Variants in RYR2 observed in about 807,000 individuals in gnomAD.
RYR2 encodes ryanodine receptor 2.
RYR2 carries 227 observed loss-of-function variants against 601.1 expected under a neutral mutation model. The ratio of observed to expected loss-of-function variants is 0.38; its 90% CI spans 0.34 to 0.42. The LOEUF (loss-of-function observed/expected upper bound fraction) is 0.42. RYR2 is among the 10% of genes least tolerant of loss of function. The probability of loss-of-function intolerance (pLI) is 1.00; values close to 1 mark genes in which losing one functional copy is unlikely to be tolerated. For missense variants in RYR2, 4,646 were observed against 6,156.5 expected (o/e 0.75, Z 8.21); for synonymous variants, 2,223 against 2,175.1 (o/e 1.02, Z -0.61).
intron 12 of RYR2, among the ~76,000 whole-genome samples, chr1:237,436,802 C>T (rs959126414): frequency 2.5e-4 from 37 of 150,042 alleles, no homozygotes; most frequent in African/African-American, 9.1e-4. Context: ...TCCTCTGAAC[C>T]GCATGCTCTG....
rs752233112 is a variant in RYR2, at chr1:237,469,163, T to C, written c.1684T>C (p.Leu562=). The C allele has an allele frequency of 6.2e-7, 1 of 1,610,224 alleles. No homozygotes were observed. Among genetic ancestry groups the C allele is most frequent in the South Asian group, 1.1e-5 (1 of 90,496 alleles). ...CTCCCTCGACTGGTTGATCAGCAGA[T>C]TGGAAAGACTGGAAGCTTCTTCAGG... ...SGSLDWLISR[L]ERLEASSGIL... Residue 562 remains leucine (L), a synonymous_variant, in exon 17 of 105, where the codon TTG becomes CTG. Coordinates refer to ENST00000366574, the MANE Select transcript of RYR2 (RefSeq NM_001035.3).
At chr1:237,435,373 A>G (rs1707239749) in intron 12 of RYR2, among the ~76,000 whole-genome samples, 1 of 152,224 alleles carries the variant, frequency 6.6e-6, no homozygotes, top group Non-Finnish European at 1.5e-5. Context: ...ACATAGTAAG[A>G]CTAAAACCCT....
intron 35 of RYR2, among the ~76,000 whole-genome samples, chr1:237,607,702 C>G (rs1215480493): frequency 2.6e-5 from 4 of 152,154 alleles, no homozygotes; most frequent in Admixed American, 6.5e-5. Context: ...TTTGACCATG[C>G]TAATCAAAAA....
At chr1:237,480,173 C>T (rs1416727896) in intron 17 of RYR2, among the ~76,000 whole-genome samples, 1 of 151,986 alleles carries the variant, frequency 6.6e-6, no homozygotes, top group Non-Finnish European at 1.5e-5. Flanking sequence ...AATCCCAGCA[C>T]TTTGGGAGGC....
chr1:237,523,684 C>T (rs1385727660), intron 24 of RYR2, among the ~76,000 whole-genome samples: 1 of 151,742 alleles, frequency 6.6e-6, no homozygotes, highest in Non-Finnish European at 1.5e-5. Flanking sequence ...TTGCCGTGAG[C>T]CGAGATTATG....
rs191601679 is a variant in RYR2, at chr1:237,256,195, G to A, written c.49-14302G>A. ...GATTTTATAAGGGGAAACCCATGTC[G>A]CTTGTCTCACATTTTCTCTTGCCTG... On this transcript the variant is annotated intron_variant, in intron 1 of 104. Transcript: ENST00000366574. Among the ~76,000 whole-genome samples, 12 of 152,174 alleles carry A rather than the reference G, an allele frequency of 7.9e-5. No individual in the cohort carries two copies. The South Asian group carries it at 8.3e-4, about 11-fold the overall frequency.
At chr1:237,644,243 T>G (rs1200456598) in intron 48 of RYR2, among the ~76,000 whole-genome samples, 2 of 151,770 alleles carry the variant, frequency 1.3e-5, no homozygotes, top group South Asian at 4.2e-4. Context: ...TGGTTTTTTG[T>G]TTTTTTTGAG....
Position 237,370,712 on chromosome 1 carries a change from G to A in RYR2, c.384+1104G>A, listed in dbSNP as rs189931683. Reference sequence around the variant, plus strand: ...GTCTGGTTCTGTTGCCCAGGCTGGAGTGCAGTGGCGCGATCTCGGCTCACT... The same window carrying A: ...GTCTGGTTCTGTTGCCCAGGCTGGAATGCAGTGGCGCGATCTCGGCTCACT... On this transcript the variant is annotated intron_variant, in intron 6 of 104. Transcript: ENST00000366574. Among the ~76,000 whole-genome samples the A allele has an allele frequency of 2.7e-3, 408 of 149,552 alleles. 2 individuals carry two copies. Among genetic ancestry groups the A allele is most frequent in the African/African-American group, 9.7e-3 (391 of 40,518 alleles).
chr1:237,827,922 AT>A (rs1663335481), intron 101 of RYR2, among the ~76,000 whole-genome samples: 1 of 135,328 alleles, frequency 7.4e-6, no homozygotes, highest in Admixed American at 7.6e-5. Flanking sequence ...GGGTGACAGA[AT>A]GAGACTCCGT....
rs1683637882 is a variant in RYR2 at position 237,220,071 on chromosome 1, G to T, written c.49-50426G>T. 2.0e-5 allele frequency among the ~76,000 whole-genome samples: 3 copies of T among 152,202 alleles called. 1 individual carries two copies. In the South Asian group the frequency reaches 6.2e-4, roughly 32 times the overall value. Reference sequence around the variant, plus strand: ...CAGCTACTCTGATGGCCAGTTTTAGGTGTCAGCTTGACTGGATTGACAGAT... The same window carrying T: ...CAGCTACTCTGATGGCCAGTTTTAGTTGTCAGCTTGACTGGATTGACAGAT... On this transcript the variant is annotated intron_variant, in intron 1 of 104. Coordinates refer to ENST00000366574, the MANE Select transcript of RYR2 (RefSeq NM_001035.3).
chr1:237,759,999 T>C (rs1693284904), intron 83 of RYR2, 147 bp downstream of exon 83: 2 of 637,662 alleles, frequency 3.1e-6, no homozygotes, highest in Non-Finnish European at 5.6e-6. Context: ...GTGTCTTGTT[T>C]TCTATCTTGT....
chr1:237,373,310 A>C (rs564030990), intron 6 of RYR2, among the ~76,000 whole-genome samples: 2 of 152,270 alleles, frequency 1.3e-5, no homozygotes, highest in East Asian at 3.9e-4. Context: ...TCAGAATCAG[A>C]ATCTGCAGGT....
chr1:237,210,612 G>T (rs183793749), intron 1 of RYR2, among the ~76,000 whole-genome samples: 1 of 152,100 alleles, frequency 6.6e-6, no homozygotes, highest in African/African-American at 2.4e-5. Context: ...ATAACCCAAG[G>T]CCCATAGACT....
At chr1:237,696,239 C>G (rs1327535652) in intron 63 of RYR2, among the ~76,000 whole-genome samples, 1 of 152,148 alleles carries the variant, frequency 6.6e-6, no homozygotes, top group Non-Finnish European at 1.5e-5. Context: ...GGACAGACAA[C>G]TGAGTGTTTA....
intron 3 of RYR2, among the ~76,000 whole-genome samples, chr1:237,338,698 T>A (rs867802334): frequency 5.3e-5 from 8 of 152,186 alleles, no homozygotes; most frequent in Admixed American, 2.0e-4. Flanking sequence ...TTCTTTTACA[T>A]CCTCATTCTT....
intron 98 of RYR2, chr1:237,802,176 T>TATTA (rs930576218): frequency 2.1e-5 from 6 of 291,518 alleles, no homozygotes; most frequent in African/African-American, 1.3e-4. Flanking sequence ...CATTAAGGTT[T>TATTA]TAATTGGACA....
chr1:237,130,356 G>A (rs1672027319), intron 1 of RYR2, among the ~76,000 whole-genome samples: 1 of 152,110 alleles, frequency 6.6e-6, no homozygotes, highest in African/African-American at 2.4e-5. Context: ...ACATAACTAG[G>A]AAAAGAGTGA....
In RYR2 at chr1:237,684,206, G is replaced by A. The variant is rs146090432; in HGVS notation, c.9018-3249G>A. On this transcript the variant is annotated intron_variant, in intron 62 of 104. Transcript: ENST00000366574. ...CCACTTCTGCCTCCCAAAGTGCTGG[G>A]ATTACAAGCATGAACCACCGTGCCC... is the stretch of plus-strand genomic sequence containing the variant. Among the ~76,000 whole-genome samples, 914 of 152,090 alleles carry A rather than the reference G, an allele frequency of 6.0e-3. 11 individuals are homozygous for A. Among genetic ancestry groups the A allele is most frequent in the Admixed American group, 1.0e-2 (152 of 15,274 alleles).
chr1:237,060,874 C>T (rs560064442), intron 1 of RYR2, among the ~76,000 whole-genome samples: 3 of 152,284 alleles, frequency 2.0e-5, no homozygotes, highest in South Asian at 4.1e-4. Context: ...TTTAAGTGAA[C>T]ACCTGAAATA....
Sources: allele counts gnomAD v4.1 joint callset (sites outside exome capture counted in the v4.1 genomes callset), GRCh38; gene constraint gnomAD v4.1.1; transcripts MANE v1.5; gene names NCBI Gene and HGNC (gene_info 2026-07-23, HGNC 2026-07-21).